The following WDR93 variants were observed in gnomAD, a reference collection of about 807,000 sequenced individuals.
The protein encoded by WDR93 is WD repeat domain 93.
WDR93 carries 73 observed loss-of-function variants against 82.9 expected under a neutral mutation model. The observed-to-expected ratio is 0.88, with a 90% CI of 0.73 to 1.07. WDR93 has a LOEUF of 1.07. Ranked by LOEUF, WDR93 falls within the 50% of genes least tolerant of loss-of-function variation. WDR93 has a pLI of 0.00. For missense variants in WDR93, 738 were observed against 826.0 expected (o/e 0.89, Z 1.31); for synonymous variants, 283 against 300.1 (o/e 0.94, Z 0.59).
chr15:89,735,011 T>C (rs867044746), intron 13 of WDR93, among the ~76,000 whole-genome samples: 17 of 151,702 alleles, frequency 1.1e-4, no homozygotes, highest in Non-Finnish European at 5.9e-5. Context: ...CTTCCTTCTT[T>C]CCTTCCGTGC....
At chr15:89,702,915 C>T (rs753298493) in intron 2 of WDR93, 35 bp from the exon 3 acceptor site, 36 of 1,601,860 alleles carry the variant, frequency 2.2e-5, no homozygotes, top group Admixed American at 1.7e-5. Flanking sequence ...AAGACAGTGA[C>T]AACTGAAAAT....
chr15:89,731,391 T>C (rs1312938111), intron 11 of WDR93, 52 bp from the exon 12 acceptor site: 3 of 1,598,620 alleles, frequency 1.9e-6, no homozygotes, highest in Non-Finnish European at 8.5e-7. Context: ...GTAGAAGTGA[T>C]GGGTAGGTGC....
chr15:89,701,594 G>A (rs1965466435), intron 1 of WDR93, 113 bp from the exon 2 acceptor site: 1 of 876,342 alleles, frequency 1.1e-6, no homozygotes, highest in Non-Finnish European at 1.7e-6. Flanking sequence ...TAAGGAAAAT[G>A]CCAGTCTGTG....
chr15:89,701,666 T>G, intron 1 of WDR93, 41 bp from the exon 2 acceptor site: 4 of 1,501,872 alleles, frequency 2.7e-6, no homozygotes, highest in Non-Finnish European at 3.6e-6. Flanking sequence ...TTCTCATTGC[T>G]TCCTTTCTTC....
intron 16 of WDR93, among the ~76,000 whole-genome samples, chr15:89,741,002 C>T (rs1416728737): frequency 6.6e-6 from 1 of 151,848 alleles, no homozygotes; most frequent in African/African-American, 2.4e-5. Context: ...TAACCGGGCA[C>T]GGTGGCAGGT....
At chr15:89,710,273 G>T (rs1003165636) in intron 4 of WDR93, among the ~76,000 whole-genome samples, 5 of 152,200 alleles carry the variant, frequency 3.3e-5, no homozygotes, top group African/African-American at 7.2e-5. Context: ...AACAACTGAT[G>T]ATTACAACGC....
intron 4 of WDR93, among the ~76,000 whole-genome samples, chr15:89,707,575 G>GAC (rs146382713): frequency 1.1e-4 from 17 of 151,320 alleles, no homozygotes; most frequent in African/African-American, 3.6e-4. Context: ...CAGAGACACA[G>GAC]ACACACACAC....
At chr15:89,690,796 G>C (rs1037110394), upstream of WDR93, 17 of 560,758 alleles carry the variant, frequency 3.0e-5, no homozygotes, top group Non-Finnish European at 2.2e-5. Flanking sequence ...GAGCAACTTC[G>C]CGGACTTCCG....
At chr15:89,708,051 T>C (rs1412182100) in intron 4 of WDR93, among the ~76,000 whole-genome samples, 5 of 152,222 alleles carry the variant, frequency 3.3e-5, no homozygotes, top group African/African-American at 1.2e-4. Context: ...ACATAACTGT[T>C]TGGTTCCATT....
At chr15:89,726,559 G>T (rs1966746679) in intron 8 of WDR93, among the ~76,000 whole-genome samples, 1 of 152,218 alleles carries the variant, frequency 6.6e-6, no homozygotes, top group African/African-American at 2.4e-5. Flanking sequence ...AACTCAGGGT[G>T]CAAATCCAGA....
At chr15:89,711,504 T>A (rs1965973937) in intron 4 of WDR93, among the ~76,000 whole-genome samples, 1 of 145,300 alleles carries the variant, frequency 6.9e-6, no homozygotes, top group African/African-American at 2.6e-5. Flanking sequence ...TCTCTTAAAA[T>A]TTTTAAAAAT....
Position 89,695,813 on chromosome 15 carries a change from C to CCTT in WDR93, c.-41+4956_-41+4957insCTT, listed in dbSNP as rs1965139285. ...CTCCAAAAAACTCCCTCATGCTGTCCTTTTTTTTTTTTTTTTTTTTTGAGA... is the reference window on the plus strand; with the variant it reads ...CTCCAAAAAACTCCCTCATGCTGTCCCTTTTTTTTTTTTTTTTTTTTTTTGAGA... On this transcript the variant is annotated intron_variant, in intron 1 of 16. Transcript: ENST00000268130. 4.0e-5 allele frequency among the ~76,000 whole-genome samples: 4 copies of CCTT among 99,312 alleles called. No individual in the cohort carries two copies. The Admixed American group carries it at 5.0e-4, about 12-fold the overall frequency. 65.2% of individuals were successfully genotyped at this position (99,312 alleles called of 152,430 possible).
intron 8 of WDR93, among the ~76,000 whole-genome samples, chr15:89,723,316 C>A (rs906611587): frequency 6.6e-6 from 1 of 151,772 alleles, no homozygotes; most frequent in African/African-American, 2.4e-5. Flanking sequence ...GTGGCTTAAG[C>A]CTATAACCCT....
intron 8 of WDR93, among the ~76,000 whole-genome samples, chr15:89,724,669 C>CA (rs957702838): frequency 5.9e-5 from 9 of 151,638 alleles, no homozygotes; most frequent in Admixed American, 2.0e-4. Context: ...AGGCTATTCA[C>CA]AAAAAAAAGA....
At chr15:89,700,901 T>G (rs1965427941) in intron 1 of WDR93, among the ~76,000 whole-genome samples, 1 of 152,128 alleles carries the variant, frequency 6.6e-6, no homozygotes, top group African/African-American at 2.4e-5. Flanking sequence ...GTTCTCTTCT[T>G]GTAGACATGA....
Position 89,729,789 on chromosome 15 carries a change from G to T in WDR93, c.1210+20G>T. 1 of 1,599,598 alleles carries T rather than the reference G, an allele frequency of 6.3e-7. No homozygotes were observed. The highest frequency in any genetic ancestry group is 1.1e-5 in the South Asian group (1 of 90,520). On this transcript the variant is annotated intron_variant, in intron 11 of 16. Transcript: ENST00000268130. ...AAGCTGGTACTTTACTGCTGAGATG[G>T]GAGTCGCCTAAGCTCAGGACTTGCA...
At position 89,731,512 on chromosome 15, in the gene WDR93, T is replaced by C; in HGVS notation, c.1280T>C (p.Leu427Pro). The C allele has an allele frequency of 1.2e-6, 2 of 1,614,170 alleles. No homozygotes were observed. Among genetic ancestry groups the C allele is most frequent in the Non-Finnish European group, 1.7e-6 (2 of 1,180,014 alleles). ...CAGCTCAGCTGCTCCTCCTCCTACC[T>C]GGTGCTGGCCTGCGAGGATGGTGTG... ...VSQLSCSSSYLVLACEDGVLT... is the reference protein window; with the variant it reads ...VSQLSCSSSYPVLACEDGVLT... The change falls in exon 12 of 17, where the codon CTG (leucine) becomes CCG (proline). Residue 427 changes from leucine to proline, a missense_variant. By Grantham distance (98) the Leu-to-Pro change is moderately conservative (BLOSUM62 -3). Transcript: ENST00000268130.
intron 8 of WDR93, among the ~76,000 whole-genome samples, chr15:89,726,175 C>G (rs1485108286): frequency 1.3e-5 from 2 of 152,190 alleles, no homozygotes; most frequent in Non-Finnish European, 1.5e-5. Flanking sequence ...ATAGTGCCAG[C>G]TACTCAAGAA....
chr15:89,716,150 A>G (rs1052200796), intron 6 of WDR93, among the ~76,000 whole-genome samples: 8 of 152,184 alleles, frequency 5.3e-5, no homozygotes, highest in Admixed American at 3.3e-4. Context: ...TATCTTCATA[A>G]TGGAGTGTAG....
Sources: gnomAD v4.1 joint callset for allele counts (sites outside exome capture counted in the v4.1 genomes callset) on GRCh38, gnomAD v4.1.1 for gene constraint, MANE v1.5 for transcripts, NCBI Gene and HGNC (gene_info 2026-07-23, HGNC 2026-07-21) for gene names.